Variants in SAMD5 observed in about 807,000 individuals in gnomAD.
SAMD5 encodes sterile alpha motif domain containing 5, also known as sterile alpha motif domain-containing protein 5.
Under a neutral mutation model 11.3 loss-of-function variants are expected in SAMD5, and 13 were observed. The observed-to-expected ratio is 1.15, with a 90% confidence interval of 0.75 to 1.83. SAMD5 has a LOEUF of 1.83. Among genes scored for constraint, SAMD5 ranks in the 40% most tolerant of loss-of-function variants. The pLI is 0.00. For missense variants in SAMD5, 255 were observed against 239.1 expected, an observed-to-expected ratio of 1.07 and a Z score of -0.44; for synonymous variants, 129 against 111.3, an observed-to-expected ratio of 1.16 and a Z score of -1.00.
the SAMD5 span, among the ~76,000 whole-genome samples, chr6:147,923,790 C>T: frequency 6.6e-6 from 1 of 152,126 alleles, no homozygotes; most frequent in East Asian, 1.9e-4. Context: ...ACACCTGGGC[C>T]CCTGATGGGA....
chr6:147,913,618 C>T, the SAMD5 span, among the ~76,000 whole-genome samples: 1 of 152,106 alleles, frequency 6.6e-6, no homozygotes, highest in Admixed American at 6.5e-5. Flanking sequence ...ATCTCTTGAA[C>T]CCGGGAGGCG....
At chr6:147,612,854 C>G (rs112588164) in intron 1 of SAMD5, among the ~76,000 whole-genome samples, 1 of 152,098 alleles carries the variant, frequency 6.6e-6, no homozygotes, top group Non-Finnish European at 1.5e-5. Flanking sequence ...CTCAGTCTTC[C>G]CTCTAACTCT....
chr6:147,522,551 G>A (rs1365011432), intron 1 of SAMD5, among the ~76,000 whole-genome samples: 1 of 152,122 alleles, frequency 6.6e-6, no homozygotes, highest in Non-Finnish European at 1.5e-5. Flanking sequence ...CTGAGAAGAA[G>A]TAAAAAAATG....
intron 1 of SAMD5, among the ~76,000 whole-genome samples, chr6:147,625,350 A>G (rs997566953): frequency 6.6e-6 from 1 of 152,010 alleles, no homozygotes; most frequent in Non-Finnish European, 1.5e-5. Flanking sequence ...GCCAGGAGGG[A>G]CTCATGTTTC....
At chr6:147,864,381 A>T in the SAMD5 span, among the ~76,000 whole-genome samples, 1 of 152,244 alleles carries the variant, frequency 6.6e-6, no homozygotes, top group African/African-American at 2.4e-5. Flanking sequence ...TATTCTGAAC[A>T]TAAAGAAATG....
At chr6:147,517,294 C>A (rs574404788) in intron 1 of SAMD5, among the ~76,000 whole-genome samples, 3 of 152,178 alleles carry the variant, frequency 2.0e-5, no homozygotes, top group Non-Finnish European at 4.4e-5. Flanking sequence ...AAGTAACCTG[C>A]TTCTGGTGTT....
chr6:147,627,411 G>T (rs1014462354), intron 1 of SAMD5, among the ~76,000 whole-genome samples: 2 of 152,194 alleles, frequency 1.3e-5, no homozygotes, highest in Non-Finnish European at 1.5e-5. Context: ...ACCCTTGGGG[G>T]TTTGACAGGA....
At chr6:147,774,666 G>A in the SAMD5 span, among the ~76,000 whole-genome samples, 13 of 151,994 alleles carry the variant, frequency 8.6e-5, no homozygotes, top group African/African-American at 3.1e-4. Flanking sequence ...TGTGGTTGTA[G>A]AAGAGTGGAG....
intron 1 of SAMD5, among the ~76,000 whole-genome samples, chr6:147,542,209 G>A (rs1196042190): frequency 2.0e-5 from 3 of 152,196 alleles, no homozygotes; most frequent in Admixed American, 2.0e-4. Context: ...GAGTACCAGA[G>A]TCCCCAGTCC....
intron 1 of SAMD5, among the ~76,000 whole-genome samples, chr6:147,635,806 C>T (rs148236833): frequency 4.0e-4 from 61 of 152,280 alleles, no homozygotes; most frequent in South Asian, 8.3e-4. Context: ...CGTATGGAGC[C>T]GATTTGAAAC....
At chr6:147,816,301 A>AAAAAAAAAATATATATAT in the SAMD5 span, among the ~76,000 whole-genome samples, 6 of 66,344 alleles carry the variant, frequency 9.0e-5, no homozygotes, top group South Asian at 4.8e-4. Flanking sequence ...AAAAAAAAAA[A>AAAAAAAAAATATATATAT]ATATATATAT....
intron 1 of SAMD5, among the ~76,000 whole-genome samples, chr6:147,594,250 T>C (rs1254920594): frequency 3.9e-5 from 6 of 152,212 alleles, no homozygotes; most frequent in Non-Finnish European, 8.8e-5. Flanking sequence ...GATCCCTTTT[T>C]CCCTCTCCTT....
At chr6:147,723,406 T>C (rs1048107545) in intron 1 of SAMD5, among the ~76,000 whole-genome samples, 1 of 152,202 alleles carries the variant, frequency 6.6e-6, no homozygotes, top group Non-Finnish European at 1.5e-5. Flanking sequence ...GGCTCTGCCA[T>C]GGAACAGGAG....
the SAMD5 span, among the ~76,000 whole-genome samples, chr6:147,880,222 T>TAAA: frequency 1.3e-5 from 2 of 152,142 alleles, no homozygotes; most frequent in African/African-American, 4.8e-5. Context: ...TCCAACGACT[T>TAAA]TGTCTCTTTC....
chr6:147,587,346 T>C (rs1244751768), intron 1 of SAMD5, among the ~76,000 whole-genome samples: 1 of 152,136 alleles, frequency 6.6e-6, no homozygotes, highest in Non-Finnish European at 1.5e-5. Flanking sequence ...CAAGTGGTTC[T>C]CCTATCTCAG....
intron 1 of SAMD5, among the ~76,000 whole-genome samples, chr6:147,719,070 G>A (rs1791507895): frequency 6.6e-6 from 1 of 152,224 alleles, no homozygotes; most frequent in African/African-American, 2.4e-5. Context: ...CTCAGCAGAT[G>A]CTATGGTGGA....
chr6:147,796,416 A>C, the SAMD5 span, among the ~76,000 whole-genome samples: 1 of 152,216 alleles, frequency 6.6e-6, no homozygotes, highest in African/African-American at 2.4e-5. Context: ...GTTCCGTTCC[A>C]TTGATCTATA....
chr6:147,525,802 G>C (rs1788328881), intron 1 of SAMD5, among the ~76,000 whole-genome samples: 1 of 152,164 alleles, frequency 6.6e-6, no homozygotes, highest in Non-Finnish European at 1.5e-5. Flanking sequence ...GACCAGTTCT[G>C]CTTCTTTAGC....
intron 1 of SAMD5, among the ~76,000 whole-genome samples, chr6:147,538,782 A>G (rs940423701): frequency 2.0e-5 from 3 of 152,208 alleles, no homozygotes; most frequent in Non-Finnish European, 2.9e-5. Context: ...TTTTCAAGAC[A>G]TTTTATTTTA....
Sources: gnomAD v4.1 joint callset for allele counts (sites outside exome capture counted in the v4.1 genomes callset) on GRCh38, gnomAD v4.1.1 for gene constraint, MANE v1.5 for transcripts, NCBI Gene and HGNC (gene_info 2026-07-23, HGNC 2026-07-21) for gene names.